The following MARCHF8 variants were observed in gnomAD, a reference collection of about 807,000 sequenced individuals.
MARCHF8 encodes E3 ubiquitin-protein ligase MARCHF8.
Under a neutral mutation model 51.6 loss-of-function variants are expected in MARCHF8, and 40 were observed. That is an observed-to-expected ratio of 0.77 (90% CI 0.60 to 1.01). The LOEUF (loss-of-function observed/expected upper bound fraction) is 1.01, where lower values mean the gene tolerates loss of function less well. MARCHF8 is among the 50% of genes least tolerant of loss of function. The pLI, the probability that MARCHF8 is intolerant of heterozygous loss-of-function variation, is 0.00. For synonymous variants in MARCHF8, 263 were observed against 280.3 expected (o/e 0.94, Z 0.62); for missense variants, 685 against 708.6 (o/e 0.97, Z 0.38).
At chr10:45,502,657 T>A (rs1368255577) in intron 2 of MARCHF8, among the ~76,000 whole-genome samples, 1 of 152,166 alleles carries the variant, frequency 6.6e-6, no homozygotes, top group Non-Finnish European at 1.5e-5. Context: ...TTTCAAATAT[T>A]GACAAAAGAG....
intron 1 of MARCHF8, among the ~76,000 whole-genome samples, chr10:45,569,564 T>G (rs2044405427): frequency 6.6e-6 from 1 of 152,194 alleles, no homozygotes; most frequent in South Asian, 2.1e-4. Flanking sequence ...CAGTTTTCTT[T>G]TTTTGATGTG....
chr10:45,520,821 G>A (rs192511570), intron 2 of MARCHF8, among the ~76,000 whole-genome samples: 172 of 152,154 alleles, frequency 1.1e-3, no homozygotes, highest in African/African-American at 3.7e-3. Flanking sequence ...ATTTTATGAG[G>A]ATTAAATATA....
At chr10:45,562,309 A>G (rs2044319667) in intron 1 of MARCHF8, among the ~76,000 whole-genome samples, 1 of 152,216 alleles carries the variant, frequency 6.6e-6, no homozygotes, top group African/African-American at 2.4e-5. Context: ...ACATACACCT[A>G]CCAATATAAA....
intron 1 of MARCHF8, among the ~76,000 whole-genome samples, chr10:45,563,060 T>G (rs143817003): frequency 1.3e-5 from 2 of 151,068 alleles, no homozygotes; most frequent in South Asian, 4.2e-4. Flanking sequence ...AGAGTCTCAC[T>G]CTGTCACCCA....
At chr10:45,500,841 T>C (rs983763264) in intron 2 of MARCHF8, among the ~76,000 whole-genome samples, 2 of 151,752 alleles carry the variant, frequency 1.3e-5, no homozygotes, top group Non-Finnish European at 2.9e-5. Flanking sequence ...AAAATAGACA[T>C]ACAAAAATTA....
At chr10:45,478,585 A>AAG (rs2042828143) in intron 3 of MARCHF8, among the ~76,000 whole-genome samples, 1 of 151,368 alleles carries the variant, frequency 6.6e-6, no homozygotes, top group Admixed American at 6.6e-5. Flanking sequence ...AAAAAAGATC[A>AAG]ATGAAACAAA....
chr10:45,503,764 T>A (rs1202551657), intron 2 of MARCHF8, among the ~76,000 whole-genome samples: 1 of 152,048 alleles, frequency 6.6e-6, no homozygotes, highest in Non-Finnish European at 1.5e-5. Context: ...TGTGGTATTA[T>A]CCATACAATG....
At chr10:45,494,547 C>T (rs1341429331) in intron 2 of MARCHF8, among the ~76,000 whole-genome samples, 2 of 152,188 alleles carry the variant, frequency 1.3e-5, no homozygotes, top group African/African-American at 4.8e-5. Flanking sequence ...CAGCAACAAA[C>T]CCAGCTAAAA....
intron 1 of MARCHF8, among the ~76,000 whole-genome samples, chr10:45,551,708 C>G (rs1212686505): frequency 1.3e-5 from 2 of 152,142 alleles, no homozygotes; most frequent in African/African-American, 4.8e-5. Flanking sequence ...CTTCCCTGAG[C>G]CTCCAGCCTG....
At chr10:45,512,358 GC>G (rs2043535563) in intron 2 of MARCHF8, among the ~76,000 whole-genome samples, 1 of 148,854 alleles carries the variant, frequency 6.7e-6, no homozygotes, top group Admixed American at 6.7e-5. Flanking sequence ...GTGGGGGTCA[GC>G]CCCCGCCAGG....
intron 1 of MARCHF8, among the ~76,000 whole-genome samples, chr10:45,533,952 G>A (rs1037742170): frequency 2.0e-5 from 3 of 152,226 alleles, no homozygotes; most frequent in Non-Finnish European, 4.4e-5. Flanking sequence ...GGGAGGCCAA[G>A]GCGGGCAAAT....
chr10:45,499,438 A>G (rs188906663), intron 2 of MARCHF8, among the ~76,000 whole-genome samples: 30 of 152,098 alleles, frequency 2.0e-4, no homozygotes, highest in African/African-American at 7.2e-4. Flanking sequence ...TTAAATTTTG[A>G]TGTAATCTAA....
chr10:45,518,336 A>T (rs532752323), intron 2 of MARCHF8, among the ~76,000 whole-genome samples: 1 of 152,334 alleles, frequency 6.6e-6, no homozygotes, highest in Non-Finnish European at 1.5e-5. Flanking sequence ...CTCCGATGAC[A>T]CAGAACGCAG....
At chr10:45,526,284 G>A (rs71496611) in intron 2 of MARCHF8, among the ~76,000 whole-genome samples, 7,416 of 152,190 alleles carry the variant, frequency 0.049, 253 homozygotes, top group Non-Finnish European at 0.066. Flanking sequence ...AGCAAGGCAC[G>A]TGCTCAGCCA....
intron 2 of MARCHF8, among the ~76,000 whole-genome samples, chr10:45,511,439 G>A (rs968523579): frequency 2.0e-5 from 3 of 151,896 alleles, no homozygotes; most frequent in African/African-American, 7.3e-5. Context: ...CTCTTTCCAC[G>A]GTCTCCCTCT....
In MARCHF8 at chr10:45,569,064, CAAAAAAA is replaced by C. The variant is rs71023131; in HGVS notation, c.-79+25164_-79+25170del. On this transcript the variant is annotated intron_variant, in intron 1 of 6. Coordinates refer to the MARCHF8 transcript ENST00000319836. ...GGGGCGACAGAGCAAGACTCCATCT[CAAAAAAA>C]AAAAAAAAAAAAAAATTGCAAAAAA... Among the ~76,000 whole-genome samples, 253 of 64,412 alleles carry C rather than the reference CAAAAAAA, an allele frequency of 3.9e-3. 1 individual carries two copies. Among genetic ancestry groups the C allele is most frequent in the Admixed American group, 9.2e-3 (51 of 5,548 alleles). 42.3% of individuals were successfully genotyped at this position (64,412 alleles called of 152,430 possible). A position where few individuals can be genotyped will look rare whatever the true frequency, so the allele number is the denominator to read the frequency against.
In MARCHF8 at chr10:45,567,899, T is replaced by C. The variant is rs549776054; in HGVS notation, c.-79+26336A>G. On this transcript the variant is annotated intron_variant, in intron 1 of 6. Coordinates refer to the MARCHF8 transcript ENST00000319836. ...AGTATGGACATTTTAACAATACTGA[T>C]TCTTCCAATCCATGAACATGTAATA... 3.3e-5 allele frequency among the ~76,000 whole-genome samples: 5 copies of C among 152,350 alleles called. No individual in the cohort carries two copies. In the South Asian group the frequency reaches 8.3e-4, roughly 25 times the overall value.
chr10:45,565,346 G>A (rs1187147844), intron 1 of MARCHF8, among the ~76,000 whole-genome samples: 1 of 152,062 alleles, frequency 6.6e-6, no homozygotes, highest in Admixed American at 6.6e-5. Flanking sequence ...TAGGAGGATC[G>A]CTTGAACCCA....
chr10:45,526,033 T>TA (rs2043787085), intron 2 of MARCHF8, among the ~76,000 whole-genome samples: 1 of 151,988 alleles, frequency 6.6e-6, no homozygotes, highest in Admixed American at 6.6e-5. Context: ...TTTAAAACTA[T>TA]AATGTATTCA....
Sources: gnomAD v4.1 joint callset for allele counts (sites outside exome capture counted in the v4.1 genomes callset) on GRCh38, gnomAD v4.1.1 for gene constraint, MANE v1.5 for transcripts, NCBI Gene and HGNC (gene_info 2026-07-23, HGNC 2026-07-21) for gene names.